Variants in TMEM26 observed in about 807,000 individuals in gnomAD.
The protein encoded by TMEM26 is transmembrane protein 26.
A neutral mutation model predicts 28.8 loss-of-function variants in TMEM26; 38 were observed. That is an observed-to-expected ratio of 1.32 (90% CI 1.02 to 1.73). TMEM26 has a LOEUF of 1.73. Ranked by LOEUF, TMEM26 falls within the 40% of genes most tolerant of loss-of-function variation. TMEM26 has a pLI of 0.00. For missense variants in TMEM26, 518 were observed against 447.1 expected, an observed-to-expected ratio of 1.16 and a Z score of -1.43; for synonymous variants, 227 against 182.9, an observed-to-expected ratio of 1.24 and a Z score of -1.95.
chr10:61,429,582 G>C (rs895861083), intron 3 of TMEM26, among the ~76,000 whole-genome samples: 1 of 151,638 alleles, frequency 6.6e-6, no homozygotes, highest in Non-Finnish European at 1.5e-5. Flanking sequence ...AATATTTTTA[G>C]CATTGTACAA....
chr10:61,410,471 C>T lies in TMEM26; in HGVS notation c.958G>A (p.Glu320Lys), dbSNP rs1839550557. 3 of 1,614,150 alleles carry T rather than the reference C, an allele frequency of 1.9e-6. No homozygotes were observed. Among genetic ancestry groups the T allele is most frequent in the Non-Finnish European group, 2.5e-6 (3 of 1,180,032 alleles). Residue 320 changes from glutamate to lysine, a missense_variant, in exon 6 of 6, where the codon GAA becomes AAA. Transcript: ENST00000399298. ...CAACCATGTTCTCCTTTCAGGCCTT[C>T]TGACTGACTTCTCAACGAAGCACGG... is the stretch of plus-strand genomic sequence containing the variant. ...AVRASLRSQS[E>K]GLKGEHGCRA... is the part of the protein sequence containing the mutation.
chr10:61,441,126 G>A (rs190751094), intron 1 of TMEM26, among the ~76,000 whole-genome samples: 8 of 152,018 alleles, frequency 5.3e-5, no homozygotes, highest in Middle Eastern at 6.8e-3. Context: ...GGTTGAATCC[G>A]CAGATGTGGA....
At chr10:61,427,633 T>C (rs1369560697) in intron 4 of TMEM26, among the ~76,000 whole-genome samples, 1 of 152,064 alleles carries the variant, frequency 6.6e-6, no homozygotes, top group Non-Finnish European at 1.5e-5. Context: ...AGTTAGGCAT[T>C]TCTTACAATT....
Position 61,409,340 on chromosome 10 carries a change from A to T in TMEM26, c.*982T>A, listed in dbSNP as rs1289403309. ...ATGGGTGGAGCTGATGCAACCCTCC[A>T]TCACCATGTTCCCTGAGAGCAAAGG... On this transcript the variant is annotated 3_prime_UTR_variant, in exon 6 of 6. Coordinates refer to ENST00000399298, the MANE Select transcript of TMEM26 (RefSeq NM_178505.8). 1 of 152,182 alleles carries T rather than the reference A, an allele frequency of 6.6e-6. No homozygotes were observed. The highest frequency in any genetic ancestry group is 1.9e-4 in the East Asian group (1 of 5,182). The allele number at this position is 152,182 out of a possible 1,614,324, so 9.4% of individuals were successfully genotyped here. A position where few individuals can be genotyped will look rare whatever the true frequency, so the allele number is the denominator to read the frequency against.
intron 1 of TMEM26, 52 bp downstream of exon 1, chr10:61,452,839 G>C: frequency 6.4e-7 from 1 of 1,570,350 alleles, no homozygotes; most frequent in East Asian, 2.3e-5. Flanking sequence ...AGTGCGGTGG[G>C]GGACAATACC....
chr10:61,413,933 G>A (rs928740901), intron 4 of TMEM26: 49 of 986,922 alleles, frequency 5.0e-5, no homozygotes, highest in South Asian at 9.4e-5. Flanking sequence ...ACCAGGGATC[G>A]AATTGAAAAG....
intron 1 of TMEM26, among the ~76,000 whole-genome samples, chr10:61,445,842 G>GA (rs1240117780): frequency 6.6e-6 from 1 of 151,952 alleles, no homozygotes; most frequent in Admixed American, 6.5e-5. Flanking sequence ...TCCACCGTTG[G>GA]AAAAAAACTT....
chr10:61,410,489 A>G lies in TMEM26; in HGVS notation c.940T>C (p.Ser314Pro), dbSNP rs1346027150. Reference sequence around the variant, plus strand: ...AGGCCTTCTGACTGACTTCTCAACGAAGCACGGACTGCCAATGCCAGCACC... The same window carrying G: ...AGGCCTTCTGACTGACTTCTCAACGGAGCACGGACTGCCAATGCCAGCACC... ...LVVLALAVRA[S>P]LRSQSEGLKG... Residue 314 changes from serine (S) to proline (P), a missense_variant, in exon 6 of 6, where the codon TCG becomes CCG. Ser to Pro is a moderately conservative substitution (Grantham distance 74). Transcript: ENST00000399298. 2 of 1,614,020 alleles carry G rather than the reference A, an allele frequency of 1.2e-6. No individual in the cohort carries two copies. Among genetic ancestry groups the G allele is most frequent in the Non-Finnish European group, 1.7e-6 (2 of 1,180,038 alleles).
intron 2 of TMEM26, among the ~76,000 whole-genome samples, chr10:61,432,337 G>A (rs1180331375): frequency 1.3e-5 from 2 of 152,072 alleles, no homozygotes; most frequent in Non-Finnish European, 2.9e-5. Flanking sequence ...CATGAAAAAT[G>A]GCATTTTTCC....
At chr10:61,412,167 G>A (rs1259712046) in intron 5 of TMEM26, among the ~76,000 whole-genome samples, 1 of 152,166 alleles carries the variant, frequency 6.6e-6, no homozygotes, top group African/African-American at 2.4e-5. Flanking sequence ...TATCTAATGT[G>A]ATGGCACCTA....
intron 1 of TMEM26, among the ~76,000 whole-genome samples, chr10:61,449,946 G>T (rs1840249190): frequency 6.6e-6 from 1 of 151,984 alleles, no homozygotes. Context: ...ATATATCATG[G>T]ACATTCCTTG....
intron 1 of TMEM26, among the ~76,000 whole-genome samples, chr10:61,450,765 G>T (rs1460725629): frequency 6.6e-6 from 1 of 151,834 alleles, no homozygotes; most frequent in African/African-American, 2.4e-5. Flanking sequence ...ATAAAGGTGA[G>T]AATTTTTTTT....
intron 4 of TMEM26, chr10:61,413,996 T>C (rs1049941235): frequency 2.0e-5 from 20 of 987,340 alleles, no homozygotes; most frequent in Non-Finnish European, 2.2e-5. Flanking sequence ...AACATTGAAA[T>C]AAAATTGTCA....
At chr10:61,415,658 C>A (rs1839639409) in intron 4 of TMEM26, among the ~76,000 whole-genome samples, 1 of 152,038 alleles carries the variant, frequency 6.6e-6, no homozygotes, top group African/African-American at 2.4e-5. Flanking sequence ...CTGATTTCAG[C>A]ATTTACTCCT....
At chr10:61,424,591 T>C (rs1839799672) in intron 4 of TMEM26, among the ~76,000 whole-genome samples, 1 of 152,158 alleles carries the variant, frequency 6.6e-6, no homozygotes. Context: ...AACAATTATA[T>C]AAAAATGCAA....
At chr10:61,426,505 T>G (rs1159556605) in intron 4 of TMEM26, among the ~76,000 whole-genome samples, 1 of 152,096 alleles carries the variant, frequency 6.6e-6, no homozygotes, top group Non-Finnish European at 1.5e-5. Context: ...GTAGATGAAC[T>G]TCAATGTGAG....
At chr10:61,410,949 C>T (rs1839559700) in intron 5 of TMEM26, among the ~76,000 whole-genome samples, 2 of 152,188 alleles carry the variant, frequency 1.3e-5, no homozygotes. Context: ...TGACTCGCAT[C>T]CACATAGAAA....
rs1179520147 is a variant in TMEM26, at chr10:61,408,717, A to G, written c.*1605T>C. The G allele has an allele frequency of 6.6e-6, 1 of 152,220 alleles. No homozygotes were observed. Among genetic ancestry groups the G allele is most frequent in the Non-Finnish European group, 1.5e-5 (1 of 68,038 alleles). 9.4% of individuals were successfully genotyped at this position (152,220 alleles called of 1,614,324 possible). A position where few individuals can be genotyped will look rare whatever the true frequency, so the allele number is the denominator to read the frequency against. On this transcript the variant is annotated 3_prime_UTR_variant, in exon 6 of 6. Transcript: ENST00000399298. ...TTTCATAAAATTATTATGGAAAATC[A>G]TAAATGTATTCCATTAGTTCCATGT...
intron 1 of TMEM26, 199 bp downstream of exon 1, chr10:61,452,692 G>C: frequency 1.7e-6 from 1 of 600,076 alleles, no homozygotes; most frequent in Non-Finnish European, 2.9e-6. Context: ...AGCCTTCCCA[G>C]TGTTGCACTG....
Sources: allele counts gnomAD v4.1 joint callset (sites outside exome capture counted in the v4.1 genomes callset), GRCh38; gene constraint gnomAD v4.1.1; transcripts MANE v1.5; gene names NCBI Gene and HGNC (gene_info 2026-07-23, HGNC 2026-07-21).